The following LCA5 variants were observed in gnomAD, a reference collection of about 807,000 sequenced individuals.
The protein encoded by LCA5 is lebercilin LCA5.
In LCA5, 37 loss-of-function variants were observed where a neutral mutation model predicts 53.0. The observed-to-expected ratio is 0.70, with a 90% confidence interval of 0.54 to 0.92. The LOEUF (loss-of-function observed/expected upper bound fraction) is 0.92. Among genes scored for constraint, LCA5 ranks in the 40% least tolerant of loss-of-function variants. LCA5 has a pLI of 0.00. For synonymous variants in LCA5, 303 were observed against 282.9 expected, an observed-to-expected ratio of 1.07 and a Z score of -0.71; for missense variants, 806 against 790.5, an observed-to-expected ratio of 1.02 and a Z score of -0.23.
At chr6:79,502,804 G>C (rs759879685) in intron 3 of LCA5, among the ~76,000 whole-genome samples, 1 of 152,044 alleles carries the variant, frequency 6.6e-6, no homozygotes, top group African/African-American at 2.4e-5. Flanking sequence ...CAAATTAATA[G>C]AGCAACAGAA....
chr6:79,523,196 G>T (rs1562111262), intron 1 of LCA5, among the ~76,000 whole-genome samples: 1 of 152,066 alleles, frequency 6.6e-6, no homozygotes, highest in Non-Finnish European at 1.5e-5. Flanking sequence ...AGCAATCGCA[G>T]TCTCTATCAA....
intron 3 of LCA5, among the ~76,000 whole-genome samples, chr6:79,496,039 T>G (rs1401218721): frequency 1.2e-4 from 18 of 152,100 alleles, no homozygotes; most frequent in Non-Finnish European, 2.5e-4. Flanking sequence ...AAACAGATAA[T>G]TCACCAAAAA....
At chr6:79,498,874 G>A (rs755759481) in intron 3 of LCA5, among the ~76,000 whole-genome samples, 17 of 151,946 alleles carry the variant, frequency 1.1e-4, no homozygotes, top group Admixed American at 8.5e-4. Flanking sequence ...GAACAGAAAG[G>A]AAAAACTCTA....
chr6:79,504,079 A>T (rs1770214325), intron 3 of LCA5, among the ~76,000 whole-genome samples: 1 of 152,176 alleles, frequency 6.6e-6, no homozygotes, highest in Non-Finnish European at 1.5e-5. Context: ...AAGAAAGGCC[A>T]ATTTAATCCT....
chr6:79,492,275 G>A (rs1453611343), intron 5 of LCA5, among the ~76,000 whole-genome samples: 2 of 151,712 alleles, frequency 1.3e-5, no homozygotes, highest in African/African-American at 2.4e-5. Context: ...CTACTTCGGG[G>A]TATATTTGCA....
rs1326379647 is a variant in LCA5 at position 79,491,703 on chromosome 6, A to G, written c.983T>C (p.Leu328Pro). The change falls in exon 6 of 8, where the codon CTG (leucine) becomes CCG (proline). Residue 328 changes from leucine to proline, a missense_variant. Physicochemically the swap from Leu to Pro is moderately conservative, Grantham distance 98. Coordinates refer to ENST00000369846, the MANE Select transcript of LCA5 (RefSeq NM_001122769.3). ...CATGGTTTGTACTCCTTTTGTACAC[A>G]GGTCTGCAAAATCACTCTGGCATGC... ...NAACQSDFAD[L>P]CTKGVQTMED... The G allele has an allele frequency of 1.2e-6, 2 of 1,613,022 alleles. No individual in the cohort carries two copies. Among genetic ancestry groups the G allele is most frequent in the Non-Finnish European group, 1.7e-6 (2 of 1,179,232 alleles).
Position 79,492,785 on chromosome 6 carries a change from T to C in LCA5, c.859-138A>G, listed in dbSNP as rs145072357. The C allele has an allele frequency of 6.1e-3, 3,700 of 604,926 alleles. 19 individuals are homozygous for C. The highest frequency in any genetic ancestry group is 7.8e-3 in the Middle Eastern group (26 of 3,334). The allele number at this position is 604,926 out of a possible 1,614,324, so 37.5% of individuals were successfully genotyped here. A position where few individuals can be genotyped will look rare whatever the true frequency, so the allele number is the denominator to read the frequency against. On this transcript the variant is annotated intron_variant, in intron 4 of 7. Transcript: ENST00000369846. ...GCTTCCTTTTGTAACTACCAAACTA[T>C]AGAAAGAAATGTCTCTAGCATACTG...
chr6:79,529,614 C>G (rs988611608), intron 1 of LCA5, among the ~76,000 whole-genome samples: 2 of 151,980 alleles, frequency 1.3e-5, no homozygotes, highest in Non-Finnish European at 2.9e-5. Flanking sequence ...ATGGTAACCC[C>G]GCAGAATATA....
upstream of LCA5, among the ~76,000 whole-genome samples, chr6:79,538,292 T>C (rs1388008016): frequency 6.6e-6 from 1 of 152,070 alleles, no homozygotes; most frequent in Admixed American, 6.6e-5. Flanking sequence ...GAATCTAATA[T>C]TTGAAGGCAA....
intron 3 of LCA5, among the ~76,000 whole-genome samples, chr6:79,498,974 A>G (rs1043359929): frequency 2.6e-5 from 4 of 152,158 alleles, no homozygotes; most frequent in African/African-American, 9.6e-5. Context: ...ATATTGTTGC[A>G]AAAGTCTCAA....
At chr6:79,505,219 T>C (rs1770243774) in intron 3 of LCA5, among the ~76,000 whole-genome samples, 1 of 152,180 alleles carries the variant, frequency 6.6e-6, no homozygotes, top group South Asian at 2.1e-4. Flanking sequence ...AAGCTTATTT[T>C]CTGAAACTGT....
At chr6:79,508,442 T>C (rs1435602345) in intron 3 of LCA5, among the ~76,000 whole-genome samples, 2 of 152,080 alleles carry the variant, frequency 1.3e-5, no homozygotes, top group East Asian at 3.9e-4. Flanking sequence ...GCTCAGCTAG[T>C]TACAGATAAC....
intron 2 of LCA5, among the ~76,000 whole-genome samples, chr6:79,515,068 T>C (rs887962311): frequency 2.0e-5 from 3 of 152,108 alleles, no homozygotes; most frequent in South Asian, 4.1e-4. Flanking sequence ...TTCTCTACAT[T>C]AATTACAACT....
At chr6:79,532,815 C>T (rs943230756) in intron 1 of LCA5, among the ~76,000 whole-genome samples, 1 of 152,014 alleles carries the variant, frequency 6.6e-6, no homozygotes, top group Non-Finnish European at 1.5e-5. Context: ...ATATAAGACC[C>T]GTGAGACAGA....
chr6:79,523,754 T>C (rs914197518), intron 1 of LCA5, among the ~76,000 whole-genome samples: 3 of 152,192 alleles, frequency 2.0e-5, no homozygotes, highest in Non-Finnish European at 4.4e-5. Context: ...CAACTTTCTA[T>C]GGCAAAGGGG....
intron 3 of LCA5, among the ~76,000 whole-genome samples, chr6:79,495,153 T>C (rs1389073902): frequency 1.3e-5 from 2 of 152,176 alleles, no homozygotes; most frequent in Non-Finnish European, 2.9e-5. Context: ...ACAAACCCTA[T>C]TGTGAACTGT....
intron 4 of LCA5, 112 bp downstream of exon 4, chr6:79,493,501 G>T: frequency 9.9e-7 from 1 of 1,008,710 alleles, no homozygotes; most frequent in Non-Finnish European, 1.5e-6. Flanking sequence ...TCAGAATTTT[G>T]TAAATTATAT....
intron 7 of LCA5, 183 bp from the exon 8 acceptor site, chr6:79,488,049 C>G: frequency 1.8e-6 from 1 of 564,954 alleles, no homozygotes; most frequent in Non-Finnish European, 3.0e-6. Context: ...ATATTTAATA[C>G]GTATTGCATT....
At chr6:79,538,578 G>A (rs2655694), upstream of LCA5, among the ~76,000 whole-genome samples, 48,522 of 152,112 alleles carry the variant, frequency 0.32, 8,793 homozygotes, top group East Asian at 0.81. Context: ...TCTTTAATCT[G>A]TCTCTGCTGA....
Sources: allele counts gnomAD v4.1 joint callset (sites outside exome capture counted in the v4.1 genomes callset), GRCh38; gene constraint gnomAD v4.1.1; transcripts MANE v1.5; gene names NCBI Gene and HGNC (gene_info 2026-07-23, HGNC 2026-07-21).